HTD2: variants seen among roughly 807,000 people sequenced by gnomAD.
HTD2 encodes hydroxyacyl-thioester dehydratase type 2, also known as hydroxyacyl-thioester dehydratase type 2, mitochondrial.
A neutral mutation model predicts 3.1 loss-of-function variants in HTD2; 1 was observed. The ratio of observed to expected loss-of-function variants is 0.32; its 90% confidence interval spans 0.11 to 1.52. The LOEUF is 1.52. Among genes scored for constraint, HTD2 ranks in the 40% most tolerant of loss-of-function variants. The pLI is 0.39. For synonymous variants in HTD2, 50 were observed against 28.9 expected, an observed-to-expected ratio of 1.73 and a Z score of -2.34; for missense variants, 150 against 79.6, an observed-to-expected ratio of 1.88 and a Z score of -3.36.
At chr3:58,316,015 A>G (rs2097487893) in intron 2 of HTD2, among the ~76,000 whole-genome samples, 2 of 152,146 alleles carry the variant, frequency 1.3e-5, no homozygotes, top group Admixed American at 1.3e-4. Flanking sequence ...GTGAGTCTAT[A>G]ATTTTTTTAA....
chr3:58,313,127 C>T (rs1008496462), intron 2 of HTD2, among the ~76,000 whole-genome samples: 47 of 151,852 alleles, frequency 3.1e-4, no homozygotes, highest in African/African-American at 1.0e-3. Context: ...GGCGCAGCGG[C>T]GGGCACCTGT....
chr3:58,310,260 A>G (rs2097480669), intron 1 of HTD2: 11 of 1,433,870 alleles, frequency 7.7e-6, no homozygotes, highest in African/African-American at 2.8e-5. Flanking sequence ...CAAAACTCTG[A>G]AAAATAGCAT....
rs1559795338 is a variant in HTD2, at chr3:58,315,550, GAAT to G, written c.-330-962_-330-960del. Among the ~76,000 whole-genome samples the G allele has an allele frequency of 4.6e-5, 7 of 152,302 alleles. No homozygotes were observed. In the South Asian group the frequency reaches 1.4e-3, roughly 32 times the overall value. Reference sequence around the variant, plus strand: ...AGTAGACATACAATTGGTAAAATCTGAATAACCTCTGGTTTGTACCAATACCAG... The same window carrying G: ...AGTAGACATACAATTGGTAAAATCTGAACCTCTGGTTTGTACCAATACCAG... On this transcript the variant is annotated intron_variant, in intron 2 of 4. Coordinates refer to ENST00000461393, the MANE Select transcript of HTD2 (RefSeq NM_001348712.2).
At chr3:58,314,648 A>G (rs993955619) in intron 2 of HTD2, among the ~76,000 whole-genome samples, 2 of 149,832 alleles carry the variant, frequency 1.3e-5, no homozygotes, top group African/African-American at 2.4e-5. Context: ...AAAATGGTGC[A>G]GCCACTCTGG....
chr3:58,317,003 A>G lies in HTD2; in HGVS notation c.-175+10A>G, dbSNP rs2097489010. The G allele has an allele frequency of 6.3e-7, 1 of 1,596,354 alleles. No homozygotes were observed. Among genetic ancestry groups the G allele is most frequent in the Non-Finnish European group, 8.6e-7 (1 of 1,164,548 alleles). On this transcript the variant is annotated intron_variant, in intron 4 of 4. Transcript: ENST00000461393. ...TTTCCGGGTGATTCAGGTAAAGACT[A>G]TTCCCTCACATATTCCAAACAAGAC... is the stretch of plus-strand genomic sequence containing the variant.
intron 1 of HTD2, among the ~76,000 whole-genome samples, chr3:58,309,570 A>G (rs1247399061): frequency 6.6e-6 from 1 of 152,164 alleles, no homozygotes; most frequent in Non-Finnish European, 1.5e-5. Flanking sequence ...TCAGAATTAG[A>G]TGAGTTACTG....
chr3:58,310,070 C>A (rs542954165), intron 1 of HTD2: 1 of 441,360 alleles, frequency 2.3e-6, no homozygotes, highest in East Asian at 3.8e-5. Context: ...TGTGGTGGCA[C>A]GTGCCTATAC....
intron 2 of HTD2, among the ~76,000 whole-genome samples, chr3:58,313,245 C>A (rs1278288344): frequency 4.6e-5 from 7 of 151,968 alleles, no homozygotes; most frequent in Admixed American, 4.6e-4. Context: ...GGCGACAGAG[C>A]GAGACTCGGT....
chr3:58,308,491 C>T (rs370772225), intron 1 of HTD2, among the ~76,000 whole-genome samples: 10 of 151,916 alleles, frequency 6.6e-5, no homozygotes, highest in African/African-American at 2.4e-4. Context: ...CAGGGTCTCA[C>T]TATGTTTCCC....
chr3:58,310,001 A>G, intron 1 of HTD2: 1 of 246,482 alleles, frequency 4.1e-6, no homozygotes, highest in East Asian at 9.2e-5. Flanking sequence ...GGAGTTTGAA[A>G]CCAGCCTGGG....
rs2097489702 is a variant in HTD2, at chr3:58,317,655, G to A, written c.42G>A (p.Gly14=). Residue 14 remains glycine, a synonymous_variant, in exon 5 of 5, where the codon GGG becomes GGA. Transcript: ENST00000461393. ...LISSHHLWWG[G]LRRTVCLNLP... ...CCAGCCATCACCTTTGGTGGGGTGGGCTTCGGAGGACAGTCTGTCTGAACC... is the reference window on the plus strand; with the variant it reads ...CCAGCCATCACCTTTGGTGGGGTGGACTTCGGAGGACAGTCTGTCTGAACC... 2.8e-6 allele frequency: 2 copies of A among 710,516 alleles called. No individual in the cohort carries two copies. Among genetic ancestry groups the A allele is most frequent in the Non-Finnish European group, 5.1e-6 (2 of 390,708 alleles). 44.0% of individuals were successfully genotyped at this position (710,516 alleles called of 1,614,324 possible).
At position 58,317,882 on chromosome 3, in the gene HTD2, G is replaced by A; in HGVS notation, c.269G>A (p.Gly90Glu). 1 of 703,016 alleles carries A rather than the reference G, an allele frequency of 1.4e-6. No homozygotes were observed. Among genetic ancestry groups the A allele is most frequent in the Non-Finnish European group, 2.6e-6 (1 of 385,000 alleles). 43.5% of individuals were successfully genotyped at this position (703,016 alleles called of 1,614,324 possible). ...NTIVHGVLIN[G>E]LISALLGTKM... Reference sequence around the variant, plus strand: ...ATTGTACATGGAGTTTTGATCAACGGACTTATCTCAGCTCTCCTAGGAACT... The same window carrying A: ...ATTGTACATGGAGTTTTGATCAACGAACTTATCTCAGCTCTCCTAGGAACT... Residue 90 changes from glycine to glutamate, a missense_variant, in exon 5 of 5, where the codon GGA (glycine) becomes GAA (glutamate). Transcript: ENST00000461393.
At chr3:58,307,378 G>A (rs559579527) in intron 1 of HTD2, among the ~76,000 whole-genome samples, 1 of 152,308 alleles carries the variant, frequency 6.6e-6, no homozygotes, top group African/African-American at 2.4e-5. Context: ...GGGAGAATCA[G>A]ATTTATTACT....
At chr3:58,315,361 G>T (rs1232920763) in intron 2 of HTD2, among the ~76,000 whole-genome samples, 3 of 152,030 alleles carry the variant, frequency 2.0e-5, no homozygotes, top group Non-Finnish European at 4.4e-5. Flanking sequence ...AAAGGTTAGT[G>T]GTTGCTGGGG....
chr3:58,311,751 A>T (rs1255249996), intron 2 of HTD2, among the ~76,000 whole-genome samples: 2 of 149,426 alleles, frequency 1.3e-5, no homozygotes, highest in African/African-American at 5.0e-5. Context: ...AAGTGCTGGG[A>T]TGACAGCATG....
At chr3:58,313,139 G>T (rs1346363752) in intron 2 of HTD2, among the ~76,000 whole-genome samples, 1 of 151,510 alleles carries the variant, frequency 6.6e-6, no homozygotes, top group Non-Finnish European at 1.5e-5. Context: ...GGCACCTGTA[G>T]TCCCAGCTAC....
At chr3:58,313,219 A>G (rs1253092589) in intron 2 of HTD2, among the ~76,000 whole-genome samples, 1 of 152,184 alleles carries the variant, frequency 6.6e-6, no homozygotes, top group Non-Finnish European at 1.5e-5. Flanking sequence ...AGATCACGCC[A>G]CTGCACTCCA....
intron 4 of HTD2, 86 bp downstream of exon 4, chr3:58,317,079 G>C (rs1237125285): frequency 3.1e-6 from 3 of 961,644 alleles, no homozygotes; most frequent in Non-Finnish European, 4.9e-6. Flanking sequence ...TTTTGTGCTT[G>C]CATAAATGTA....
Position 58,319,224 on chromosome 3 carries a change from T to C in HTD2, c.*1104T>C, listed in dbSNP as rs1391388534. The C allele has an allele frequency of 6.6e-6, 1 of 152,210 alleles. No homozygotes were observed. The highest frequency in any genetic ancestry group is 1.5e-5 in the Non-Finnish European group (1 of 68,030). The allele number at this position is 152,210 out of a possible 1,614,324, so 9.4% of individuals were successfully genotyped here. The stretch of plus-strand genomic sequence containing the variant: ...TGAGTCAGAGTTTATTGTAATTTGT[T>C]ATTTACACCAAGGTGGCATCTTAGT... On this transcript the variant is annotated 3_prime_UTR_variant, in exon 5 of 5. Coordinates refer to ENST00000461393, the MANE Select transcript of HTD2 (RefSeq NM_001348712.2).
Sources: gnomAD v4.1 joint callset for allele counts (sites outside exome capture counted in the v4.1 genomes callset) on GRCh38, gnomAD v4.1.1 for gene constraint, MANE v1.5 for transcripts, NCBI Gene and HGNC (gene_info 2026-07-23, HGNC 2026-07-21) for gene names.